Variants in BBS9 observed in about 807,000 individuals in gnomAD.
BBS9 encodes Bardet-Biedl syndrome 9.
BBS9 carries 89 observed loss-of-function variants against 117.7 expected under a neutral mutation model. The ratio of observed to expected loss-of-function variants is 0.76; its 90% confidence interval spans 0.64 to 0.90. BBS9 has a LOEUF of 0.90. Ranked by LOEUF, BBS9 falls within the 40% of genes least tolerant of loss-of-function variation. The pLI is 0.00. For missense variants in BBS9, 982 were observed against 1,042.2 expected, an observed-to-expected ratio of 0.94 and a Z score of 0.80; for synonymous variants, 379 against 370.9, an observed-to-expected ratio of 1.02 and a Z score of -0.25.
At chr7:33,164,589 CTTCT>C (rs1205737834) in intron 4 of BBS9, among the ~76,000 whole-genome samples, 3 of 152,122 alleles carry the variant, frequency 2.0e-5, no homozygotes, top group Non-Finnish European at 2.9e-5. Context: ...ATGTAATGGC[CTTCT>C]TTGTCTCTTT....
chr7:33,530,711 A>G (rs1850445425), intron 20 of BBS9, among the ~76,000 whole-genome samples: 1 of 152,140 alleles, frequency 6.6e-6, no homozygotes, highest in Non-Finnish European at 1.5e-5. Flanking sequence ...AGTGTTTATT[A>G]TTCTTTAGTG....
At chr7:33,595,495 A>G (rs1862594812) in intron 21 of BBS9, among the ~76,000 whole-genome samples, 1 of 152,228 alleles carries the variant, frequency 6.6e-6, no homozygotes, top group South Asian at 2.1e-4. Flanking sequence ...ATACCATCTT[A>G]CACCAGTCAG....
chr7:33,376,865 G>A lies in BBS9; in HGVS notation c.1790-6801G>A, dbSNP rs199989545. 2.4e-4 allele frequency among the ~76,000 whole-genome samples: 37 copies of A among 151,874 alleles called. No homozygotes were observed. In the East Asian group the frequency reaches 6.2e-3, roughly 25 times the overall value. ...GTCTTCTTTTGAAAAGTGTCTGTTCGTATCCTTTGCTCACTTTTTAATGGG... is the reference window on the plus strand; with the variant it reads ...GTCTTCTTTTGAAAAGTGTCTGTTCATATCCTTTGCTCACTTTTTAATGGG... On this transcript the variant is annotated intron_variant, in intron 17 of 22. Coordinates refer to ENST00000242067, the MANE Select transcript of BBS9 (RefSeq NM_198428.3).
intron 19 of BBS9, among the ~76,000 whole-genome samples, chr7:33,440,276 T>A (rs183695953): frequency 6.6e-6 from 1 of 152,350 alleles, no homozygotes; most frequent in Non-Finnish European, 1.5e-5. Context: ...GAGATATTAG[T>A]GTTATCAATA....
chr7:33,447,300 G>A (rs1244881726), intron 19 of BBS9, among the ~76,000 whole-genome samples: 1 of 152,198 alleles, frequency 6.6e-6, no homozygotes, highest in Non-Finnish European at 1.5e-5. Flanking sequence ...CTGCGGGGAA[G>A]CAATCATAGT....
intron 19 of BBS9, among the ~76,000 whole-genome samples, chr7:33,496,918 A>T (rs914324802): frequency 1.3e-5 from 2 of 152,172 alleles, no homozygotes; most frequent in Non-Finnish European, 2.9e-5. Flanking sequence ...GGATCATTTC[A>T]TCCAAAGTAA....
intron 10 of BBS9, 53 bp from the exon 11 acceptor site, chr7:33,340,844 A>G (rs1391246438): frequency 1.4e-6 from 2 of 1,475,858 alleles, no homozygotes; most frequent in Non-Finnish European, 1.9e-6. Context: ...GAAAAACTAT[A>G]TATAGAAAGT....
At chr7:33,625,583 G>C (rs973697514) in intron 21 of BBS9, among the ~76,000 whole-genome samples, 4 of 152,112 alleles carry the variant, frequency 2.6e-5, no homozygotes, top group African/African-American at 9.7e-5. Flanking sequence ...CAAGGGTCAG[G>C]CTCCCTTTGC....
At chr7:33,131,759 T>TA (rs1789650897) in intron 1 of BBS9, among the ~76,000 whole-genome samples, 1 of 152,150 alleles carries the variant, frequency 6.6e-6, no homozygotes, top group Non-Finnish European at 1.5e-5. Flanking sequence ...GACCTCGTCT[T>TA]TGCCGAGCAT....
intron 19 of BBS9, among the ~76,000 whole-genome samples, chr7:33,482,705 G>C (rs1842655453): frequency 6.6e-6 from 1 of 152,122 alleles, no homozygotes; most frequent in Admixed American, 6.5e-5. Flanking sequence ...GAAATTATAT[G>C]GTATTAAATC....
rs183252093 is a variant in BBS9 at position 33,408,437 on chromosome 7, G to T, written c.2115+20293G>T. Among the ~76,000 whole-genome samples, 375 of 152,226 alleles carry T rather than the reference G, an allele frequency of 2.5e-3. 1 individual carries two copies. The highest frequency in any genetic ancestry group is 8.5e-3 in the African/African-American group (352 of 41,546). On this transcript the variant is annotated intron_variant, in intron 19 of 22. Coordinates refer to ENST00000242067, the MANE Select transcript of BBS9 (RefSeq NM_198428.3). ...TGCTTTCGCTGGTGCACGGTGTGCT[G>T]CACCCACTCTCCTGCGCCCACTATC...
intron 19 of BBS9, among the ~76,000 whole-genome samples, chr7:33,463,445 A>T (rs1839765703): frequency 6.6e-6 from 1 of 152,098 alleles, no homozygotes; most frequent in Non-Finnish European, 1.5e-5. Flanking sequence ...TGTTTAGATT[A>T]GTGGGAGAAA....
chr7:33,132,779 G>A (rs1789828779), intron 1 of BBS9, among the ~76,000 whole-genome samples: 1 of 152,072 alleles, frequency 6.6e-6, no homozygotes, highest in African/African-American at 2.4e-5. Context: ...ATCTTTCCTA[G>A]ATTGGAATAC....
At chr7:33,287,163 G>A (rs919752380) in intron 9 of BBS9, among the ~76,000 whole-genome samples, 3 of 152,110 alleles carry the variant, frequency 2.0e-5, no homozygotes, top group Non-Finnish European at 4.4e-5. Context: ...GATGTTGGGT[G>A]ACTTAAAATT....
Position 33,557,373 on chromosome 7 carries a change from AG to A in BBS9, c.2521+23199del, listed in dbSNP as rs1855448430. Among the ~76,000 whole-genome samples, 3 of 152,106 alleles carry A rather than the reference AG, an allele frequency of 2.0e-5. No individual in the cohort carries two copies. The South Asian group carries it at 6.2e-4, about 31-fold the overall frequency. On this transcript the variant is annotated intron_variant, in intron 21 of 22. Transcript: ENST00000242067. The stretch of plus-strand genomic sequence containing the variant: ...ACTTTATATTTAATATCTGAATCTA[AG>A]GTTTCTGGTTTCTTTATTGTAGTAA...
chr7:33,419,611 A>G (rs1349451897), intron 19 of BBS9, among the ~76,000 whole-genome samples: 1 of 152,178 alleles, frequency 6.6e-6, no homozygotes, highest in Admixed American at 6.5e-5. Flanking sequence ...AATATATTAG[A>G]TAACTTTTTT....
At chr7:33,407,142 C>T (rs1243589682) in intron 19 of BBS9, among the ~76,000 whole-genome samples, 1 of 152,114 alleles carries the variant, frequency 6.6e-6, no homozygotes, top group Non-Finnish European at 1.5e-5. Flanking sequence ...TCTTTTTATT[C>T]TTTTTTCTCT....
At chr7:33,632,241 T>C (rs926513653) in intron 21 of BBS9, among the ~76,000 whole-genome samples, 2 of 152,182 alleles carry the variant, frequency 1.3e-5, no homozygotes, top group Non-Finnish European at 2.9e-5. Context: ...TCATAAACCC[T>C]TTTGCTCAGC....
intron 5 of BBS9, among the ~76,000 whole-genome samples, chr7:33,192,339 A>G (rs1409915121): frequency 6.6e-6 from 1 of 152,242 alleles, no homozygotes; most frequent in African/African-American, 2.4e-5. Flanking sequence ...TCAAGCTGCA[A>G]ATAGGAAAAG....
Sources: allele counts gnomAD v4.1 joint callset (sites outside exome capture counted in the v4.1 genomes callset), GRCh38; gene constraint gnomAD v4.1.1; transcripts MANE v1.5; gene names NCBI Gene and HGNC (gene_info 2026-07-23, HGNC 2026-07-21).